Variants in ARHGAP44 observed in about 807,000 individuals in gnomAD.
ARHGAP44 encodes the protein Rho GTPase activating protein 44, also known as rho GTPase-activating protein 44.
ARHGAP44 carries 43 observed loss-of-function variants against 106.8 expected under a neutral mutation model. The observed-to-expected ratio is 0.40, with a 90% confidence interval of 0.32 to 0.52. The LOEUF (loss-of-function observed/expected upper bound fraction) is 0.52, where lower values mean the gene tolerates loss of function less well. Ranked by LOEUF, ARHGAP44 falls within the 20% of genes least tolerant of loss-of-function variation. The pLI is 0.48. For synonymous variants in ARHGAP44, 439 were observed against 410.3 expected, an observed-to-expected ratio of 1.07 and a Z score of -0.85; for missense variants, 866 against 1,050.5, an observed-to-expected ratio of 0.82 and a Z score of 2.43.
chr17:12,983,926 C>T (rs2039894004), intron 19 of ARHGAP44, among the ~76,000 whole-genome samples: 1 of 152,194 alleles, frequency 6.6e-6, no homozygotes, highest in South Asian at 2.1e-4. Context: ...AAAGCCTCAG[C>T]AGCAGGGATG....
rs1464066977 is a variant in ARHGAP44, at chr17:12,990,101, A to C, written c.2387A>C (p.Glu796Ala). ...TCGACGCTCCGCCTGAGTCCCCTGG[A>C]GCACATGCGGCGACACTCAGTAACT... ...LGSTLRLSPL[E>A]HMRRHSVTDK... The change falls in exon 21 of 21, where the codon GAG (glutamate) becomes GCG (alanine). Residue 796 changes from glutamate to alanine, a missense_variant. Physicochemically the swap from Glu to Ala is moderately radical, Grantham distance 107 (BLOSUM62 -1). Transcript: ENST00000379672. 3 of 1,613,382 alleles carry C rather than the reference A, an allele frequency of 1.9e-6. 1 individual carries two copies. In the South Asian group the frequency reaches 3.3e-5, roughly 18 times the overall value.
rs982619760 is a variant in ARHGAP44 at position 12,948,748 on chromosome 17, ACACC to A, written c.862-390_862-387del. 2.4e-4 allele frequency among the ~76,000 whole-genome samples: 36 copies of A among 151,402 alleles called. 2 individuals are homozygous for A. Among genetic ancestry groups the A allele is most frequent in the South Asian group, 1.3e-3 (6 of 4,770 alleles). On this transcript the variant is annotated intron_variant, in intron 10 of 20. Coordinates refer to ENST00000379672, the MANE Select transcript of ARHGAP44 (RefSeq NM_014859.6). Reference sequence around the variant, plus strand: ...TACACACACACACACACACACACACACACCCCCTGTAGACCTCCTCACATTCAAC... The same window carrying A: ...TACACACACACACACACACACACACACCCTGTAGACCTCCTCACATTCAAC...
intron 1 of ARHGAP44, among the ~76,000 whole-genome samples, chr17:12,844,733 C>G (rs1448389181): frequency 6.6e-6 from 1 of 152,046 alleles, no homozygotes; most frequent in Non-Finnish European, 1.5e-5. Context: ...TTTCTTCTTC[C>G]AAGTGTTGAA....
Position 12,990,308 on chromosome 17 carries a change from G to A in ARHGAP44, c.*137G>A, listed in dbSNP as rs2040096896. The A allele has an allele frequency of 8.3e-7, 1 of 1,210,346 alleles. No individual in the cohort carries two copies. The highest frequency in any genetic ancestry group is 1.1e-6 in the Non-Finnish European group (1 of 886,160). The allele number at this position is 1,210,346 out of a possible 1,614,324, so 75.0% of individuals were successfully genotyped here. A position where few individuals can be genotyped will look rare whatever the true frequency, so the allele number is the denominator to read the frequency against. On this transcript the variant is annotated 3_prime_UTR_variant, in exon 21 of 21. Coordinates refer to ENST00000379672, the MANE Select transcript of ARHGAP44 (RefSeq NM_014859.6). ...ACTGCCAACACGAGGTTGGAATTTG[G>A]CAGAAAATTGTGATCTCCAGTCCGT...
rs891062198 is a variant in ARHGAP44, at chr17:12,905,727, T to A, written c.199-3170T>A. 1.8e-4 allele frequency among the ~76,000 whole-genome samples: 27 copies of A among 152,364 alleles called. No homozygotes were observed. The East Asian group carries it at 1.9e-3, about 11-fold the overall frequency. On this transcript the variant is annotated intron_variant, in intron 3 of 20. Coordinates refer to ENST00000379672, the MANE Select transcript of ARHGAP44 (RefSeq NM_014859.6). ...TCCCCTTTACTATAGGCAAATCCTC[T>A]CTTCTTTGTCCAATTTCAGAAAGAT... is the stretch of plus-strand genomic sequence containing the variant.
At position 12,921,450 on chromosome 17, in the gene ARHGAP44, A is replaced by G. The variant is rs60507130; in HGVS notation, c.464+1619A>G. On this transcript the variant is annotated intron_variant, in intron 6 of 20. Coordinates refer to ENST00000379672, the MANE Select transcript of ARHGAP44 (RefSeq NM_014859.6). ...ACTCTTGAACTCTTGGGCTCAAGCA[A>G]TCCTTCTGCCTCAGGTCTCCCAAGT... 1.2e-4 allele frequency among the ~76,000 whole-genome samples: 18 copies of G among 152,228 alleles called. No homozygotes were observed. In the East Asian group the frequency reaches 2.7e-3, roughly 23 times the overall value.
chr17:12,856,117 G>A (rs1237943134), intron 1 of ARHGAP44, among the ~76,000 whole-genome samples: 1 of 152,172 alleles, frequency 6.6e-6, no homozygotes, highest in Admixed American at 6.5e-5. Context: ...TAGCTGAGGG[G>A]CCACATCTCC....
chr17:12,960,191 T>C (rs1490074874), intron 16 of ARHGAP44, among the ~76,000 whole-genome samples: 4 of 152,154 alleles, frequency 2.6e-5, no homozygotes, highest in South Asian at 2.1e-4. Context: ...TGTTCTCCAC[T>C]TAGTGGAGAA....
intron 1 of ARHGAP44, among the ~76,000 whole-genome samples, chr17:12,861,039 A>G (rs1034329982): frequency 2.6e-5 from 4 of 151,942 alleles, no homozygotes; most frequent in Non-Finnish European, 5.9e-5. Flanking sequence ...GTATTTTTGT[A>G]GAGATGGAGT....
intron 1 of ARHGAP44, among the ~76,000 whole-genome samples, chr17:12,823,492 A>G (rs528805596): frequency 6.6e-6 from 1 of 152,310 alleles, no homozygotes; most frequent in South Asian, 2.1e-4. Flanking sequence ...TTTGCTAAGA[A>G]GTTAAGACTC....
At chr17:12,849,418 C>T (rs2035671892) in intron 1 of ARHGAP44, among the ~76,000 whole-genome samples, 1 of 152,096 alleles carries the variant, frequency 6.6e-6, no homozygotes, top group Admixed American at 6.5e-5. Flanking sequence ...GCTTGACACT[C>T]CTTAACATGT....
intron 1 of ARHGAP44, among the ~76,000 whole-genome samples, chr17:12,889,064 AT>A (rs1331244534): frequency 2.6e-5 from 4 of 152,284 alleles, no homozygotes; most frequent in South Asian, 4.1e-4. Context: ...GGCTGGTTAC[AT>A]TTAATGTAAT....
chr17:12,830,742 TA>T (rs990971973), intron 1 of ARHGAP44, among the ~76,000 whole-genome samples: 16 of 142,098 alleles, frequency 1.1e-4, no homozygotes, highest in African/African-American at 4.3e-4. Flanking sequence ...AATATGTTAT[TA>T]TTTTTTTTCC....
At chr17:12,847,584 G>A (rs2035606220) in intron 1 of ARHGAP44, among the ~76,000 whole-genome samples, 2 of 147,460 alleles carry the variant, frequency 1.4e-5, no homozygotes, top group South Asian at 2.1e-4. Context: ...TGCGATCTCG[G>A]CTCACTGCAA....
intron 1 of ARHGAP44, among the ~76,000 whole-genome samples, chr17:12,874,872 A>T (rs2036506822): frequency 6.6e-6 from 1 of 151,636 alleles, no homozygotes; most frequent in African/African-American, 2.4e-5. Flanking sequence ...TTGTCTGGGG[A>T]AAAAGGGAAA....
chr17:12,968,778 T>TC (rs2039455627), intron 16 of ARHGAP44, among the ~76,000 whole-genome samples: 1 of 150,952 alleles, frequency 6.6e-6, no homozygotes, highest in African/African-American at 2.4e-5. Flanking sequence ...TTTTCTTTTT[T>TC]TTTTTTTTTG....
intron 4 of ARHGAP44, among the ~76,000 whole-genome samples, chr17:12,912,822 AATC>A (rs2150945470): frequency 6.6e-6 from 1 of 152,326 alleles, no homozygotes; most frequent in South Asian, 2.1e-4. Flanking sequence ...CCCAAGTTTC[AATC>A]AACGAGAGGG....
chr17:12,982,039 C>T (rs750353149), intron 19 of ARHGAP44, among the ~76,000 whole-genome samples: 2 of 152,094 alleles, frequency 1.3e-5, no homozygotes, highest in Non-Finnish European at 2.9e-5. Context: ...TAACTTTCCC[C>T]ACAGCACTAC....
intron 19 of ARHGAP44, among the ~76,000 whole-genome samples, chr17:12,981,204 A>C (rs2039820218): frequency 6.6e-6 from 1 of 152,172 alleles, no homozygotes; most frequent in African/African-American, 2.4e-5. Flanking sequence ...GCTGGGAGAC[A>C]CTCAGGGTAC....
Sources: gnomAD v4.1 joint callset for allele counts (sites outside exome capture counted in the v4.1 genomes callset) on GRCh38, gnomAD v4.1.1 for gene constraint, MANE v1.5 for transcripts, NCBI Gene and HGNC (gene_info 2026-07-23, HGNC 2026-07-21) for gene names.